The following GPHN variants were observed in gnomAD, a reference collection of about 807,000 sequenced individuals.
GPHN encodes the protein gephyrin.
A neutral mutation model predicts 95.5 loss-of-function variants in GPHN; 17 were observed. The observed-to-expected ratio is 0.18, with a 90% CI of 0.12 to 0.27. The LOEUF is 0.27. GPHN is among the 10% of genes least tolerant of loss of function. The pLI, the probability that GPHN is intolerant of heterozygous loss-of-function variation, is 1.00. For missense variants in GPHN, 660 were observed against 978.1 expected, an observed-to-expected ratio of 0.67 and a Z score of 4.34; for synonymous variants, 320 against 322.5, an observed-to-expected ratio of 0.99 and a Z score of 0.08.
chr14:66,609,907 T>C (rs1157679394), intron 1 of GPHN, among the ~76,000 whole-genome samples: 3 of 152,206 alleles, frequency 2.0e-5, no homozygotes, highest in Admixed American at 6.5e-5. Context: ...TTCCTTGTTA[T>C]CTAGATTCTG....
At chr14:67,733,840 TG>T in the GPHN span, 3 of 1,610,912 alleles carry the variant, frequency 1.9e-6, no homozygotes, top group Non-Finnish European at 2.5e-6. Flanking sequence ...AGGAATCCGG[TG>T]GGAGTAGCTG....
chr14:67,221,301 G>A, the GPHN span, among the ~76,000 whole-genome samples: 1 of 152,188 alleles, frequency 6.6e-6, no homozygotes, highest in Non-Finnish European at 1.5e-5. Context: ...AGACTTGGTG[G>A]TAAAGAAGCT....
the GPHN span, among the ~76,000 whole-genome samples, chr14:67,343,634 G>A: frequency 0.019 from 2,966 of 152,334 alleles, 38 homozygotes; most frequent in Middle Eastern, 0.034. Flanking sequence ...GGAGGCTGAG[G>A]TGGGAGAATC....
intron 4 of GPHN, among the ~76,000 whole-genome samples, chr14:66,877,646 G>A (rs1421861041): frequency 6.6e-6 from 1 of 152,104 alleles, no homozygotes; most frequent in Non-Finnish European, 1.5e-5. Flanking sequence ...TTGCTACAAA[G>A]AGAATAAAAT....
At chr14:67,415,805 G>A in the GPHN span, among the ~76,000 whole-genome samples, 1 of 152,174 alleles carries the variant, frequency 6.6e-6, no homozygotes, top group Non-Finnish European at 1.5e-5. Context: ...CCAAAAACAG[G>A]AATAAGATCA....
At chr14:66,598,949 G>A (rs536455658) in intron 1 of GPHN, among the ~76,000 whole-genome samples, 2 of 152,136 alleles carry the variant, frequency 1.3e-5, no homozygotes, top group South Asian at 2.1e-4. Context: ...GCCGTAGTTT[G>A]GGAGGGAAGG....
chr14:67,333,135 G>A, the GPHN span: 6 of 537,010 alleles, frequency 1.1e-5, no homozygotes. Flanking sequence ...TTTGTGCATG[G>A]CATCCTTTAT....
intron 2 of GPHN, among the ~76,000 whole-genome samples, chr14:66,682,969 A>C (rs73287809): frequency 3.2e-4 from 48 of 152,174 alleles, no homozygotes; most frequent in African/African-American, 1.1e-3. Context: ...AACATTCATC[A>C]TTTAACCTAC....
chr14:67,397,968 A>G, the GPHN span: 1 of 623,180 alleles, frequency 1.6e-6, no homozygotes, highest in Non-Finnish European at 2.7e-6. Context: ...TTGTGTCTGG[A>G]TCTCTTCTGA....
At chr14:67,408,359 A>AAAATAAAAT in the GPHN span, among the ~76,000 whole-genome samples, 100 of 134,052 alleles carry the variant, frequency 7.5e-4, 2 homozygotes, top group African/African-American at 2.8e-3. Context: ...TAAAATAAAA[A>AAAATAAAAT]AAGAAAAAAC....
chr14:67,591,634 C>CA, the GPHN span, among the ~76,000 whole-genome samples: 1 of 152,152 alleles, frequency 6.6e-6, no homozygotes, highest in African/African-American at 2.4e-5. Context: ...TGGGCTCAAG[C>CA]AATCCTCCCA....
chr14:66,888,889 AAGAT>A (rs1053892379), intron 5 of GPHN, among the ~76,000 whole-genome samples: 1 of 152,134 alleles, frequency 6.6e-6, no homozygotes, highest in Non-Finnish European at 1.5e-5. Flanking sequence ...AGGATAGAAA[AAGAT>A]AGTCAGGCAA....
intron 9 of GPHN, among the ~76,000 whole-genome samples, chr14:66,984,905 A>AT (rs915468105): frequency 2.6e-5 from 4 of 151,926 alleles, no homozygotes; most frequent in African/African-American, 9.6e-5. Context: ...TTAGAGCTCT[A>AT]TTTAAAAAGT....
At chr14:67,338,294 G>A in the GPHN span, 3 of 181,878 alleles carry the variant, frequency 1.6e-5, no homozygotes, top group Non-Finnish European at 3.4e-5. Context: ...ATTGGCCTGA[G>A]ACCGCTAATG....
At chr14:66,940,230 G>GA (rs113466568) in intron 8 of GPHN, among the ~76,000 whole-genome samples, 63,401 of 144,754 alleles carry the variant, frequency 0.44, 15,033 homozygotes, top group African/African-American at 0.64. Flanking sequence ...AAGGAAAAAG[G>GA]AAAAAAAAAA....
chr14:67,118,358 G>A (rs1161573904), intron 16 of GPHN, among the ~76,000 whole-genome samples: 1 of 152,142 alleles, frequency 6.6e-6, no homozygotes, highest in African/African-American at 2.4e-5. Flanking sequence ...ACTAATGATA[G>A]ATTAAAGGCT....
the GPHN span, among the ~76,000 whole-genome samples, chr14:67,679,674 G>A: frequency 1.3e-5 from 2 of 152,122 alleles, no homozygotes; most frequent in Admixed American, 6.5e-5. Flanking sequence ...AAAGTGCTGG[G>A]ATTACAGGCA....
At chr14:66,666,993 A>G (rs886371487) in intron 1 of GPHN, among the ~76,000 whole-genome samples, 1 of 152,180 alleles carries the variant, frequency 6.6e-6, no homozygotes, top group African/African-American at 2.4e-5. Flanking sequence ...TACATGAACA[A>G]CAGTACAAGT....
the GPHN span, among the ~76,000 whole-genome samples, chr14:67,704,440 C>A: frequency 6.6e-6 from 1 of 152,026 alleles, no homozygotes. Context: ...TTTTTTTCAA[C>A]TGTGTGTGCA....
Sources: gnomAD v4.1 joint callset for allele counts (sites outside exome capture counted in the v4.1 genomes callset) on GRCh38, gnomAD v4.1.1 for gene constraint, MANE v1.5 for transcripts, NCBI Gene and HGNC (gene_info 2026-07-23, HGNC 2026-07-21) for gene names.